LRP1B: variants seen among roughly 807,000 people sequenced by gnomAD.
LRP1B encodes LDL receptor related protein 1B.
Under a neutral mutation model 556.6 loss-of-function variants are expected in LRP1B, and 217 were observed. The ratio of observed to expected loss-of-function variants is 0.39; its 90% CI spans 0.35 to 0.44. The LOEUF (loss-of-function observed/expected upper bound fraction) is 0.44, where lower values mean the gene tolerates loss of function less well. Among genes scored for constraint, LRP1B ranks in the 20% least tolerant of loss-of-function variants. The probability of loss-of-function intolerance (pLI) is 1.00; values close to 1 mark genes in which losing one functional copy is unlikely to be tolerated. For missense variants in LRP1B, 5,053 were observed against 5,620.8 expected (o/e 0.90, Z 3.23); for synonymous variants, 2,047 against 1,865.8 (o/e 1.10, Z -2.50).
chr2:141,626,949 G>T (rs75316813), intron 2 of LRP1B, among the ~76,000 whole-genome samples: 1,706 of 152,194 alleles, frequency 0.011, 20 homozygotes, highest in Middle Eastern at 0.017. Flanking sequence ...CTCCTTGAAG[G>T]TTACACAAAT....
At chr2:140,760,777 T>C (rs1290126148) in intron 35 of LRP1B, among the ~76,000 whole-genome samples, 1 of 152,118 alleles carries the variant, frequency 6.6e-6, no homozygotes, top group Non-Finnish European at 1.5e-5. Flanking sequence ...TCCCAGCTAC[T>C]TGGGAAGCAG....
At chr2:141,160,813 C>T (rs1217112361) in intron 7 of LRP1B, among the ~76,000 whole-genome samples, 1 of 150,386 alleles carries the variant, frequency 6.6e-6, no homozygotes, top group Non-Finnish European at 1.5e-5. Context: ...TGGACATGTT[C>T]AATATCTTTA....
chr2:141,750,819 C>T (rs1030357388), intron 2 of LRP1B, among the ~76,000 whole-genome samples: 3 of 151,958 alleles, frequency 2.0e-5, no homozygotes, highest in Non-Finnish European at 4.4e-5. Flanking sequence ...AAATCAGTGT[C>T]ATTGAAAAAG....
intron 3 of LRP1B, among the ~76,000 whole-genome samples, chr2:141,357,063 AT>A (rs1688655278): frequency 2.0e-5 from 3 of 150,588 alleles, no homozygotes; most frequent in African/African-American, 7.3e-5. Context: ...TATTTTATTT[AT>A]TTTATTTTTG....
chr2:140,342,551 G>T (rs1209451436), intron 77 of LRP1B, among the ~76,000 whole-genome samples: 1 of 151,492 alleles, frequency 6.6e-6, no homozygotes, highest in African/African-American at 2.4e-5. Context: ...TTAAATGAAT[G>T]ACTGTGGAGT....
intron 17 of LRP1B, among the ~76,000 whole-genome samples, chr2:140,988,109 A>C (rs1227624370): frequency 6.6e-6 from 1 of 152,128 alleles, no homozygotes; most frequent in African/African-American, 2.4e-5. Flanking sequence ...GCAGGATAAT[A>C]TCATTTGGGA....
intron 1 of LRP1B, among the ~76,000 whole-genome samples, chr2:141,986,870 A>G (rs1208105364): frequency 6.6e-6 from 1 of 151,962 alleles, no homozygotes; most frequent in East Asian, 1.9e-4. Flanking sequence ...ATCTCTTCCA[A>G]TATCTATTTA....
intron 1 of LRP1B, among the ~76,000 whole-genome samples, chr2:142,109,885 T>C (rs2104986506): frequency 6.6e-6 from 1 of 152,266 alleles, no homozygotes; most frequent in African/African-American, 2.4e-5. Context: ...TAAGCATTCC[T>C]CACAGGCCCC....
intron 3 of LRP1B, among the ~76,000 whole-genome samples, chr2:141,321,716 A>T (rs572675173): frequency 1.3e-5 from 2 of 152,236 alleles, no homozygotes; most frequent in South Asian, 4.1e-4. Context: ...AAGGATATAG[A>T]TGAATAAACA....
At chr2:140,692,509 C>T (rs1668742015) in intron 41 of LRP1B, among the ~76,000 whole-genome samples, 2 of 152,062 alleles carry the variant, frequency 1.3e-5, no homozygotes, top group South Asian at 2.1e-4. Context: ...TTTCTCATTA[C>T]AAAACTTTTA....
intron 86 of LRP1B, among the ~76,000 whole-genome samples, chr2:140,267,580 C>A (rs1181817077): frequency 6.6e-6 from 1 of 151,892 alleles, no homozygotes; most frequent in Non-Finnish European, 1.5e-5. Context: ...TGTGTCCGTG[C>A]TGAGCCTGTA....
At chr2:141,803,589 G>A (rs910412666) in intron 2 of LRP1B, among the ~76,000 whole-genome samples, 3 of 151,970 alleles carry the variant, frequency 2.0e-5, no homozygotes, top group African/African-American at 4.8e-5. Flanking sequence ...TCTACCTAAC[G>A]AAAAGCTTAG....
chr2:141,717,976 G>A (rs1692669626), intron 2 of LRP1B, among the ~76,000 whole-genome samples: 1 of 152,226 alleles, frequency 6.6e-6, no homozygotes, highest in Non-Finnish European at 1.5e-5. Flanking sequence ...AGGATACACT[G>A]ACATTTGTAG....
intron 7 of LRP1B, among the ~76,000 whole-genome samples, chr2:141,095,155 G>C (rs13012940): frequency 0.071 from 10,767 of 151,718 alleles, 535 homozygotes; most frequent in Non-Finnish European, 0.1. Flanking sequence ...CTTCAATCTT[G>C]GATTTTTCAG....
At chr2:141,753,140 C>A (rs977152789) in intron 2 of LRP1B, among the ~76,000 whole-genome samples, 1 of 145,800 alleles carries the variant, frequency 6.9e-6, no homozygotes, top group African/African-American at 2.5e-5. Context: ...CCCAGCTACT[C>A]GGGAGGCTGA....
intron 2 of LRP1B, among the ~76,000 whole-genome samples, chr2:141,798,795 T>C (rs78172215): frequency 0.097 from 14,619 of 150,768 alleles, 1,009 homozygotes; most frequent in African/African-American, 0.19. Context: ...CCAAAATTCA[T>C]ATGTGGAAGT....
intron 1 of LRP1B, among the ~76,000 whole-genome samples, chr2:141,923,481 TGTGTGTAG>T (rs1558964417): frequency 8.3e-6 from 1 of 120,692 alleles, no homozygotes; most frequent in Non-Finnish European, 1.8e-5. Context: ...TGTGTGTGTG[TGTGTGTAG>T]AGAGAGGGAG....
intron 32 of LRP1B, among the ~76,000 whole-genome samples, chr2:140,797,829 G>T (rs1690371572): frequency 6.6e-6 from 1 of 152,068 alleles, no homozygotes; most frequent in African/African-American, 2.4e-5. Flanking sequence ...CCTTCTAAAT[G>T]CAAAGGTGTT....
rs772472942 is a variant in LRP1B at position 141,517,029 on chromosome 2, A to AAAAAAAAACAAAAAAAC, written c.206-36497_206-36496insGTTTTTTTGTTTTTTTT. Among the ~76,000 whole-genome samples the AAAAAAAAACAAAAAAAC allele has an allele frequency of 7.8e-5, 7 of 90,176 alleles. 2 individuals carry two copies. In the South Asian group the frequency reaches 1.7e-3, roughly 22 times the overall value. The allele number at this position is 90,176 out of a possible 152,430, so 59.2% of individuals were successfully genotyped here. On this transcript the variant is annotated intron_variant, in intron 2 of 90. Transcript: ENST00000389484. ...TAAAAAAAAAAAAAAAAAAAAAAAA[A>AAAAAAAAACAAAAAAAC]AAAGTAAATCAATGAAATAATTTAA... is the stretch of plus-strand genomic sequence containing the variant.
Sources: allele counts gnomAD v4.1 joint callset (sites outside exome capture counted in the v4.1 genomes callset), GRCh38; gene constraint gnomAD v4.1.1; transcripts MANE v1.5; gene names NCBI Gene and HGNC (gene_info 2026-07-23, HGNC 2026-07-21).